Variants in CD83 observed in about 807,000 individuals in gnomAD.
CD83 encodes CD83 antigen.
A neutral mutation model predicts 24.6 loss-of-function variants in CD83; 22 were observed. The ratio of observed to expected loss-of-function variants is 0.90; its 90% CI spans 0.64 to 1.28. The LOEUF is 1.28. Among genes scored for constraint, CD83 ranks in the 50% most tolerant of loss-of-function variants. CD83 has a pLI of 0.00. For synonymous variants in CD83, 101 were observed against 103.5 expected (o/e 0.98, Z 0.14); for missense variants, 253 against 252.8 (o/e 1.00, Z -0.01).
intron 2 of CD83, among the ~76,000 whole-genome samples, chr6:14,123,251 CCAT>C (rs1759712512): frequency 6.6e-6 from 1 of 152,022 alleles, no homozygotes; most frequent in Admixed American, 6.6e-5. Flanking sequence ...GTGCCCACCA[CCAT>C]GCCCGGCTAC....
intron 2 of CD83, among the ~76,000 whole-genome samples, chr6:14,123,533 T>G (rs1194044030): frequency 6.6e-6 from 1 of 152,112 alleles, no homozygotes; most frequent in Non-Finnish European, 1.5e-5. Flanking sequence ...ATTCTTTTCC[T>G]TCTTTTCCTC....
chr6:14,125,888 C>A (rs1018569825), intron 2 of CD83, among the ~76,000 whole-genome samples: 1 of 152,200 alleles, frequency 6.6e-6, no homozygotes, highest in African/African-American at 2.4e-5. Context: ...TCTAGGACAA[C>A]TTTCCCAGAG....
chr6:14,118,070 G>T lies in CD83; in HGVS notation c.153+5G>T, dbSNP rs749015030. The T allele has an allele frequency of 6.3e-7, 1 of 1,594,622 alleles. No homozygotes were observed. Among genetic ancestry groups the T allele is most frequent in the Non-Finnish European group, 8.6e-7 (1 of 1,169,270 alleles). On this transcript the variant is annotated splice_donor_5th_base_variant and intron_variant, in intron 2 of 4. Coordinates refer to ENST00000379153, the MANE Select transcript of CD83 (RefSeq NM_004233.4). ...TACACGGTCTCCTGGGTCAAGGTAG[G>T]TGCTGCGATACCCACGGGCTGGGGT...
At chr6:14,131,371 C>T (rs952104845) in intron 2 of CD83, 149 bp from the exon 3 acceptor site, 26 of 622,792 alleles carry the variant, frequency 4.2e-5, no homozygotes, top group Admixed American at 8.8e-5. Flanking sequence ...GATCTTTCCT[C>T]CCCCAGAGGT....
In CD83 at chr6:14,129,737, A is replaced by T. The variant is rs767305863; in HGVS notation, c.154-1783A>T. ...CTGCCACCAGATGTCTCTGTAGCCC[A>T]CTCTACAGGAATGCTCACAAACACC... On this transcript the variant is annotated intron_variant, in intron 2 of 4. Coordinates refer to ENST00000379153, the MANE Select transcript of CD83 (RefSeq NM_004233.4). The surrounding 1 kb of genome is among the most constrained non-coding windows in gnomAD (Gnocchi z 4.3). Among the ~76,000 whole-genome samples, 1 of 151,862 alleles carries T rather than the reference A, an allele frequency of 6.6e-6. No homozygotes were observed.
rs979503052 is a variant in CD83 at position 14,129,400 on chromosome 6, T to A, written c.154-2120T>A. Among the ~76,000 whole-genome samples the A allele has an allele frequency of 6.6e-6, 1 of 152,130 alleles. No homozygotes were observed. The highest frequency in any genetic ancestry group is 1.5e-5 in the Non-Finnish European group (1 of 68,030). ...GAGCCCATGACGAGGCTTCAGTTTA[T>A]GGTTTACTTAGGCTTGAAAAGGGAA... On this transcript the variant is annotated intron_variant, in intron 2 of 4. Coordinates refer to ENST00000379153, the MANE Select transcript of CD83 (RefSeq NM_004233.4). The surrounding 1 kb of genome is among the most constrained non-coding windows in gnomAD (Gnocchi z 4.3).
In CD83 at chr6:14,136,641, T is replaced by C. The variant is rs1441034483; in HGVS notation, c.*1405T>C. On this transcript the variant is annotated 3_prime_UTR_variant, in exon 5 of 5. Transcript: ENST00000379153. The stretch of plus-strand genomic sequence containing the variant: ...AGTTGATTTAGTGTTTTTACCTCTG[T>C]CTTGGCTTTCATGTTATTAAACGTA... The C allele has an allele frequency of 6.6e-6, 1 of 152,232 alleles. No individual in the cohort carries two copies. Among genetic ancestry groups the C allele is most frequent in the African/African-American group, 2.4e-5 (1 of 41,456 alleles). The allele number at this position is 152,232 out of a possible 1,614,324, so 9.4% of individuals were successfully genotyped here.
At chr6:14,131,471 T>G (rs761464569) in intron 2 of CD83, 49 bp from the exon 3 acceptor site, 1 of 1,341,848 alleles carries the variant, frequency 7.5e-7, no homozygotes, top group Non-Finnish European at 1.1e-6. Flanking sequence ...TGGTGTCGAG[T>G]TGGAGTGCTT....
In CD83 at chr6:14,129,277, T is replaced by G. The variant is rs916249396; in HGVS notation, c.154-2243T>G. Among the ~76,000 whole-genome samples, 1 of 152,212 alleles carries G rather than the reference T, an allele frequency of 6.6e-6. No individual in the cohort carries two copies. The highest frequency in any genetic ancestry group is 6.5e-5 in the Admixed American group (1 of 15,282). On this transcript the variant is annotated intron_variant, in intron 2 of 4. Transcript: ENST00000379153. This position sits in a 1 kb window ranked among gnomAD's most constrained non-coding sequence, Gnocchi z 4.3. ...CTTTCAGGCCATCCTAGACACAGAT[T>G]GGCCCTGGATGGGCCTCGGTCTCTG...
At position 14,129,140 on chromosome 6, in the gene CD83, G is replaced by A. The variant is rs963975299; in HGVS notation, c.154-2380G>A. Among the ~76,000 whole-genome samples, 1 of 152,182 alleles carries A rather than the reference G, an allele frequency of 6.6e-6. No homozygotes were observed. Among genetic ancestry groups the A allele is most frequent in the Admixed American group, 6.5e-5 (1 of 15,280 alleles). The stretch of plus-strand genomic sequence containing the variant: ...AACCATGGGTGAATAATCTCAAAAC[G>A]GTTGTTGCAGCTACACTCGCATTTG... On this transcript the variant is annotated intron_variant, in intron 2 of 4. Transcript: ENST00000379153. This position sits in a 1 kb window ranked among gnomAD's most constrained non-coding sequence, Gnocchi z 4.3.
intron 4 of CD83, among the ~76,000 whole-genome samples, chr6:14,134,567 G>A (rs902277689): frequency 6.6e-6 from 1 of 152,206 alleles, no homozygotes; most frequent in Non-Finnish European, 1.5e-5. Context: ...GCCACTCACT[G>A]TGTCCCTCTA....
chr6:14,118,501 T>G (rs2113383262), intron 2 of CD83, among the ~76,000 whole-genome samples: 1 of 152,224 alleles, frequency 6.6e-6, no homozygotes, highest in Admixed American at 6.5e-5. Flanking sequence ...ATGCCCATGA[T>G]ACATGGGAGG....
At chr6:14,121,955 A>T (rs765245391) in intron 2 of CD83, among the ~76,000 whole-genome samples, 2 of 152,156 alleles carry the variant, frequency 1.3e-5, no homozygotes, top group Admixed American at 6.5e-5. Context: ...CAGAGTTGCA[A>T]TGCCTTCTTG....
At chr6:14,133,060 A>G (rs1389092583) in intron 3 of CD83, among the ~76,000 whole-genome samples, 1 of 152,226 alleles carries the variant, frequency 6.6e-6, no homozygotes, top group Non-Finnish European at 1.5e-5. Flanking sequence ...CCACCCAACC[A>G]TGCTGGCACC....
At chr6:14,118,783 G>C (rs555499225) in intron 2 of CD83, among the ~76,000 whole-genome samples, 4 of 152,294 alleles carry the variant, frequency 2.6e-5, no homozygotes, top group South Asian at 2.1e-4. Context: ...AACATTCTCA[G>C]ATTCTAAGAT....
intron 3 of CD83, among the ~76,000 whole-genome samples, chr6:14,132,300 A>G (rs184673068): frequency 2.8e-4 from 42 of 152,348 alleles, no homozygotes; most frequent in Admixed American, 2.6e-3. Context: ...GTATCTGGGC[A>G]CATAGTAGGC....
chr6:14,128,337 A>G (rs974054209), intron 2 of CD83, among the ~76,000 whole-genome samples: 2 of 152,110 alleles, frequency 1.3e-5, no homozygotes, highest in Non-Finnish European at 2.9e-5. Flanking sequence ...CCCCACCCCC[A>G]TTCTGAGCAT....
chr6:14,128,532 G>A (rs999169505), intron 2 of CD83, among the ~76,000 whole-genome samples: 1 of 152,184 alleles, frequency 6.6e-6, no homozygotes, highest in African/African-American at 2.4e-5. Context: ...TTTTGCTGTA[G>A]TTAGTTATTA....
At chr6:14,126,722 A>G (rs919211158) in intron 2 of CD83, among the ~76,000 whole-genome samples, 2 of 152,220 alleles carry the variant, frequency 1.3e-5, no homozygotes, top group Admixed American at 6.5e-5. Flanking sequence ...TGCACATTAT[A>G]AAGAGCTGTT....
Sources: allele counts gnomAD v4.1 joint callset (sites outside exome capture counted in the v4.1 genomes callset), GRCh38; gene constraint gnomAD v4.1.1; non-coding constraint Gnocchi (gnomAD v3.1); transcripts MANE v1.5; gene names NCBI Gene and HGNC (gene_info 2026-07-23, HGNC 2026-07-21).